The following CHL1 variants were observed in gnomAD, a reference collection of about 807,000 sequenced individuals.
The protein encoded by CHL1 is neural cell adhesion molecule L1-like protein.
CHL1 carries 96 observed loss-of-function variants against 141.9 expected under a neutral mutation model. The ratio of observed to expected loss-of-function variants is 0.68; its 90% CI spans 0.57 to 0.80. The LOEUF (loss-of-function observed/expected upper bound fraction) is 0.80, where lower values mean the gene tolerates loss of function less well. Among genes scored for constraint, CHL1 ranks in the 30% least tolerant of loss-of-function variants. The pLI, the probability that CHL1 is intolerant of heterozygous loss-of-function variation, is 0.00. For missense variants in CHL1, 1,820 were observed against 1,457.2 expected, an observed-to-expected ratio of 1.25 and a Z score of -4.05; for synonymous variants, 613 against 502.2, an observed-to-expected ratio of 1.22 and a Z score of -2.95.
At chr3:267,910 T>C (rs1346503188) in intron 2 of CHL1, among the ~76,000 whole-genome samples, 1 of 152,226 alleles carries the variant, frequency 6.6e-6, no homozygotes, top group Non-Finnish European at 1.5e-5. Context: ...GCATTTGCCT[T>C]GATATCGTCA....
chr3:399,184 A>C (rs775031420), intron 26 of CHL1, 36 bp downstream of exon 26: 5 of 1,559,898 alleles, frequency 3.2e-6, no homozygotes, highest in Non-Finnish European at 4.4e-6. Flanking sequence ...TCAACTTATT[A>C]AAAAGCATTT....
chr3:266,005 C>A (rs973988108), intron 2 of CHL1, among the ~76,000 whole-genome samples: 13 of 152,124 alleles, frequency 8.5e-5, no homozygotes, highest in Non-Finnish European at 1.6e-4. Context: ...GTGTGGCTAA[C>A]CCACTAGGGA....
intron 9 of CHL1, among the ~76,000 whole-genome samples, chr3:347,342 C>T (rs975684681): frequency 2.6e-5 from 4 of 151,858 alleles, no homozygotes; most frequent in African/African-American, 9.7e-5. Flanking sequence ...TATATTTTCC[C>T]TCAAAACACA....
At chr3:238,274 A>AT (rs768799951) in intron 1 of CHL1, among the ~76,000 whole-genome samples, 1 of 152,138 alleles carries the variant, frequency 6.6e-6, no homozygotes, top group Non-Finnish European at 1.5e-5. Context: ...AAAAAGAGGT[A>AT]TTTTCAATCC....
At chr3:265,497 C>G (rs1695073742) in intron 2 of CHL1, among the ~76,000 whole-genome samples, 2 of 152,184 alleles carry the variant, frequency 1.3e-5, no homozygotes. Flanking sequence ...GAAGTTCACA[C>G]TAACCTTTTA....
intron 15 of CHL1, chr3:376,440 C>A (rs1026467624): frequency 9.7e-6 from 5 of 512,934 alleles, no homozygotes; most frequent in Non-Finnish European, 1.9e-5. Flanking sequence ...GTATACCATA[C>A]CTACCACATT....
At chr3:376,902 A>G (rs3773379) in intron 15 of CHL1, among the ~76,000 whole-genome samples, 13,942 of 152,240 alleles carry the variant, frequency 0.092, 795 homozygotes, top group Middle Eastern at 0.2. Flanking sequence ...TCTGTCTATA[A>G]TCAAAATAAC....
At chr3:276,159 G>T (rs887151815) in intron 2 of CHL1, among the ~76,000 whole-genome samples, 5 of 151,664 alleles carry the variant, frequency 3.3e-5, no homozygotes, top group Non-Finnish European at 5.9e-5. Context: ...ATATTTTTCC[G>T]ACCTGTCTAA....
chr3:344,166 C>T (rs1702572507), intron 8 of CHL1, among the ~76,000 whole-genome samples: 1 of 152,036 alleles, frequency 6.6e-6, no homozygotes, highest in South Asian at 2.1e-4. Flanking sequence ...TTTCTGAGTG[C>T]AGGAGTGAGG....
At chr3:249,433 A>C (rs908928767) in intron 2 of CHL1, among the ~76,000 whole-genome samples, 1 of 152,192 alleles carries the variant, frequency 6.6e-6, no homozygotes, top group Non-Finnish European at 1.5e-5. Context: ...AAACATGTCA[A>C]AGCTCACTAA....
At chr3:359,871 C>CTGGTA (rs1704056442) in intron 11 of CHL1, among the ~76,000 whole-genome samples, 1 of 152,126 alleles carries the variant, frequency 6.6e-6, no homozygotes, top group Non-Finnish European at 1.5e-5. Context: ...AAAATAGCAG[C>CTGGTA]CAGTACTGGT....
At chr3:272,904 C>A (rs1695765947) in intron 2 of CHL1, among the ~76,000 whole-genome samples, 1 of 152,118 alleles carries the variant, frequency 6.6e-6, no homozygotes, top group Non-Finnish European at 1.5e-5. Context: ...GAGCAACAGT[C>A]TAATCTAGGG....
At chr3:344,839 G>C (rs990081932) in intron 9 of CHL1, 130 bp downstream of exon 9, 2 of 841,472 alleles carry the variant, frequency 2.4e-6, no homozygotes, top group African/African-American at 3.5e-5. Flanking sequence ...AATTCTGCCG[G>C]GCACTGCAGA....
rs768847702 is a variant in CHL1 at position 405,841 on chromosome 3, GCAAT to G, written c.*131_*134del. On this transcript the variant is annotated 3_prime_UTR_variant, in exon 28 of 28. Coordinates refer to ENST00000256509, the MANE Select transcript of CHL1 (RefSeq NM_006614.4). ...GATTTCATCCAGAAGTCAACATCCT[GCAAT>G]TATGTTGAAAAGAGTAGTACTTTCT... is the stretch of plus-strand genomic sequence containing the variant. 4.3e-3 allele frequency: 2,778 copies of G among 649,288 alleles called. 60 individuals carry two copies. In the African/African-American group the frequency reaches 0.044, roughly 10 times the overall value. 40.2% of individuals were successfully genotyped at this position (649,288 alleles called of 1,614,324 possible). A position where few individuals can be genotyped will look rare whatever the true frequency, so the allele number is the denominator to read the frequency against.
chr3:225,833 A>C (rs554267949), intron 1 of CHL1, among the ~76,000 whole-genome samples: 15 of 151,828 alleles, frequency 9.9e-5, no homozygotes, highest in South Asian at 8.3e-4. Flanking sequence ...CTCTGTGAAA[A>C]CCCGTCTCTA....
intron 2 of CHL1, among the ~76,000 whole-genome samples, chr3:252,833 A>G (rs1417164423): frequency 6.6e-6 from 1 of 152,100 alleles, no homozygotes; most frequent in Non-Finnish European, 1.5e-5. Context: ...TTGTTAGCCT[A>G]TGTATAGATA....
At chr3:248,943 C>T (rs1365008338) in intron 2 of CHL1, among the ~76,000 whole-genome samples, 1 of 152,160 alleles carries the variant, frequency 6.6e-6, no homozygotes, top group Non-Finnish European at 1.5e-5. Context: ...ATATGTAGCA[C>T]AGCTAAACAA....
chr3:236,985 G>A (rs1482697650), intron 1 of CHL1, among the ~76,000 whole-genome samples: 17 of 152,128 alleles, frequency 1.1e-4, no homozygotes. Flanking sequence ...GTCATTAATA[G>A]GGAGTGTTAC....
intron 11 of CHL1, 87 bp downstream of exon 11, chr3:354,858 G>C: frequency 6.6e-7 from 1 of 1,521,866 alleles, no homozygotes; most frequent in East Asian, 2.3e-5. Context: ...AAATGAAGTT[G>C]GTATGTGGTT....
Sources: allele counts gnomAD v4.1 joint callset (sites outside exome capture counted in the v4.1 genomes callset), GRCh38; gene constraint gnomAD v4.1.1; transcripts MANE v1.5; gene names NCBI Gene and HGNC (gene_info 2026-07-23, HGNC 2026-07-21).